SIRPA: variants seen among roughly 807,000 people sequenced by gnomAD.
SIRPA encodes the protein signal regulatory protein alpha.
Under a neutral mutation model 50.3 loss-of-function variants are expected in SIRPA, and 9 were observed. The ratio of observed to expected loss-of-function variants is 0.18; its 90% CI spans 0.11 to 0.31. SIRPA has a LOEUF of 0.31. Ranked by LOEUF, SIRPA falls within the 10% of genes least tolerant of loss-of-function variation. The pLI is 1.00. For synonymous variants in SIRPA, 265 were observed against 284.1 expected (o/e 0.93, Z 0.68); for missense variants, 474 against 661.6 (o/e 0.72, Z 3.11).
chr20:1,905,887 C>G (rs1984516389), intron 1 of SIRPA, among the ~76,000 whole-genome samples: 1 of 152,244 alleles, frequency 6.6e-6, no homozygotes, highest in South Asian at 2.1e-4. Context: ...CCTGTCCCCG[C>G]TGCCTCCTTG....
chr20:1,937,304 G>A lies in SIRPA; in HGVS notation c.1267-16G>A, dbSNP rs1274288835. On this transcript the variant is annotated splice_polypyrimidine_tract_variant and intron_variant, in intron 7 of 7. Transcript: ENST00000358771. This position sits in a 1 kb window ranked among gnomAD's most constrained non-coding sequence, Gnocchi z 8.3. ...TGACCTTCTCATGACTTTCTCTTTGGGTATCTTAAATCCAGGACACAAATG... is the reference window on the plus strand; with the variant it reads ...TGACCTTCTCATGACTTTCTCTTTGAGTATCTTAAATCCAGGACACAAATG... 2 of 1,605,674 alleles carry A rather than the reference G, an allele frequency of 1.2e-6. No homozygotes were observed.
At chr20:1,894,258 G>GC (rs1332642621), upstream of SIRPA, 3 of 132,612 alleles carry the variant, frequency 2.3e-5, no homozygotes, top group East Asian at 4.8e-4. The surrounding 1 kb of genome is among the most constrained non-coding windows in gnomAD (Gnocchi z 4.0). Flanking sequence ...ACGCCCCCCC[G>GC]CCCCCCGCGC....
At chr20:1,918,042 A>G (rs1199874819) in intron 2 of SIRPA, among the ~76,000 whole-genome samples, 1 of 152,134 alleles carries the variant, frequency 6.6e-6, no homozygotes, top group African/African-American at 2.4e-5. Context: ...GGATGAGGAG[A>G]CAGTGCCTTC....
In SIRPA at chr20:1,922,139, T is replaced by C. The variant is rs977936598; in HGVS notation, c.755-174T>C. ...TGAGCACCTACTGTGTGCTGGGCGTTGTGCTTAGTAATTTCATTCATATGC... is the reference window on the plus strand; with the variant it reads ...TGAGCACCTACTGTGTGCTGGGCGTCGTGCTTAGTAATTTCATTCATATGC... On this transcript the variant is annotated intron_variant, in intron 3 of 7. Transcript: ENST00000358771. Among the ~76,000 whole-genome samples the C allele has an allele frequency of 2.0e-5, 3 of 152,234 alleles. No homozygotes were observed. In the East Asian group the frequency reaches 5.8e-4, roughly 29 times the overall value.
At chr20:1,920,085 C>T (rs912670989) in intron 2 of SIRPA, among the ~76,000 whole-genome samples, 3 of 152,128 alleles carry the variant, frequency 2.0e-5, no homozygotes, top group Non-Finnish European at 2.9e-5. Context: ...CACTTTTGGC[C>T]CTGGGCCTCT....
At chr20:1,909,747 A>T (rs1984775516) in intron 1 of SIRPA, among the ~76,000 whole-genome samples, 1 of 152,052 alleles carries the variant, frequency 6.6e-6, no homozygotes, top group Non-Finnish European at 1.5e-5. Flanking sequence ...GTGCCATTGC[A>T]CTCCAGCCTG....
rs565480521 is a variant in SIRPA at position 1,932,993 on chromosome 20, A to T, written c.1227-1722A>T. On this transcript the variant is annotated intron_variant, in intron 6 of 7. Transcript: ENST00000358771. This position sits in a 1 kb window ranked among gnomAD's most constrained non-coding sequence, Gnocchi z 6.0. The stretch of plus-strand genomic sequence containing the variant: ...GAAGAACCCAATGTTTTGAGAATGG[A>T]GTTTGGGGGTTCAGTGAATATTTCC... 1.8e-4 allele frequency among the ~76,000 whole-genome samples: 28 copies of T among 152,204 alleles called. No individual in the cohort carries two copies. The highest frequency in any genetic ancestry group is 3.8e-4 in the Non-Finnish European group (26 of 68,036).
At position 1,939,146 on chromosome 20, in the gene SIRPA, G is replaced by A. The variant is rs1026656742; in HGVS notation, c.*1578G>A. The A allele has an allele frequency of 6.6e-6, 1 of 152,344 alleles. No individual in the cohort carries two copies. The highest frequency in any genetic ancestry group is 2.4e-5 in the African/African-American group (1 of 41,414). The allele number at this position is 152,344 out of a possible 1,614,324, so 9.4% of individuals were successfully genotyped here. A position where few individuals can be genotyped will look rare whatever the true frequency, so the allele number is the denominator to read the frequency against. On this transcript the variant is annotated 3_prime_UTR_variant, in exon 8 of 8. Transcript: ENST00000358771. This position sits in a 1 kb window ranked among gnomAD's most constrained non-coding sequence, Gnocchi z 4.7. ...GGTGTGAGGGCCTGACCGGGCCCAGGGCAAGCAGATGTCGCAAGCCCTATT... is the reference window on the plus strand; with the variant it reads ...GGTGTGAGGGCCTGACCGGGCCCAGAGCAAGCAGATGTCGCAAGCCCTATT...
Position 1,933,814 on chromosome 20 carries a change from G to A in SIRPA, c.1227-901G>A, listed in dbSNP as rs534856398. 6.6e-6 allele frequency among the ~76,000 whole-genome samples: 1 copy of A among 152,264 alleles called. No individual in the cohort carries two copies. The highest frequency in any genetic ancestry group is 1.5e-5 in the Non-Finnish European group (1 of 68,026). ...TCTGCCAAGCCAGTGGCTCTGGTTT[G>A]CTCATCACCTTGACCGTGACCCTCC... On this transcript the variant is annotated intron_variant, in intron 6 of 7. Transcript: ENST00000358771. The surrounding 1 kb of genome is among the most constrained non-coding windows in gnomAD (Gnocchi z 4.4).
rs1413335401 is a variant in SIRPA, at chr20:1,898,742, G to A, written c.79+3216G>A. Among the ~76,000 whole-genome samples the A allele has an allele frequency of 6.6e-6, 1 of 152,022 alleles. No homozygotes were observed. The highest frequency in any genetic ancestry group is 1.5e-5 in the Non-Finnish European group (1 of 68,020). On this transcript the variant is annotated intron_variant, in intron 1 of 7. Transcript: ENST00000358771. This position sits in a 1 kb window ranked among gnomAD's most constrained non-coding sequence, Gnocchi z 4.3. Reference sequence around the variant, plus strand: ...TTCTGGCCTTGGGTGGAGGACTGTAGAAGAGTTCTTTCTCTGGGCAGAAGG... The same window carrying A: ...TTCTGGCCTTGGGTGGAGGACTGTAAAAGAGTTCTTTCTCTGGGCAGAAGG...
At chr20:1,895,099 C>T (rs914000073), upstream of SIRPA, among the ~76,000 whole-genome samples, 15 of 151,444 alleles carry the variant, frequency 9.9e-5, no homozygotes, top group African/African-American at 3.4e-4. Flanking sequence ...TCGCTCTCCC[C>T]CTCTTTCTCC....
chr20:1,912,232 G>T (rs1984932579), intron 1 of SIRPA, among the ~76,000 whole-genome samples: 1 of 152,188 alleles, frequency 6.6e-6, no homozygotes, highest in South Asian at 2.1e-4. Context: ...GCTCCAACAT[G>T]CTGCACGCCT....
intron 1 of SIRPA, among the ~76,000 whole-genome samples, chr20:1,896,259 G>A (rs937857303): frequency 2.0e-5 from 3 of 152,202 alleles, no homozygotes; most frequent in Non-Finnish European, 2.9e-5. Flanking sequence ...TGCAGTTCAG[G>A]TGCTCCGCGG....
intron 3 of SIRPA, 129 bp from the exon 4 acceptor site, chr20:1,922,184 T>C (rs909570508): frequency 6.4e-6 from 7 of 1,099,142 alleles, no homozygotes; most frequent in Non-Finnish European, 9.3e-6. Context: ...CCTCAATGTC[T>C]GAGCACCTGA....
chr20:1,909,516 T>C (rs1035704101), intron 1 of SIRPA, among the ~76,000 whole-genome samples: 1 of 152,242 alleles, frequency 6.6e-6, no homozygotes, highest in African/African-American at 2.4e-5. Context: ...GCGCAGTGGC[T>C]CATGCCTGTA....
intron 6 of SIRPA, among the ~76,000 whole-genome samples, chr20:1,931,609 G>C (rs145505898): frequency 6.6e-6 from 1 of 152,300 alleles, no homozygotes; most frequent in Non-Finnish European, 1.5e-5. Context: ...GCCAGCTTCG[G>C]CTTTGGCTTG....
At position 1,939,453 on chromosome 20, in the gene SIRPA, G is replaced by A. The variant is rs1409354024; in HGVS notation, c.*1885G>A. 6.6e-6 allele frequency: 1 copy of A among 152,214 alleles called. No individual in the cohort carries two copies. The highest frequency in any genetic ancestry group is 2.4e-5 in the African/African-American group (1 of 41,442). 9.4% of individuals were successfully genotyped at this position (152,214 alleles called of 1,614,324 possible). A position where few individuals can be genotyped will look rare whatever the true frequency, so the allele number is the denominator to read the frequency against. ...TCCCGTGTGGCATCTGGGAGCCACA[G>A]TGACCCAGCCACCTGGCTCAGGCTA... On this transcript the variant is annotated 3_prime_UTR_variant, in exon 8 of 8. Coordinates refer to ENST00000358771, the MANE Select transcript of SIRPA (RefSeq NM_001040023.2). The surrounding 1 kb of genome is among the most constrained non-coding windows in gnomAD (Gnocchi z 4.7).
intron 1 of SIRPA, among the ~76,000 whole-genome samples, chr20:1,897,493 G>T (rs1983901519): frequency 6.6e-6 from 1 of 152,236 alleles, no homozygotes; most frequent in African/African-American, 2.4e-5. Context: ...GGGGCCTCAG[G>T]CCCCTCCCCC....
At chr20:1,926,787 AG>A (rs1986004605) in intron 5 of SIRPA, among the ~76,000 whole-genome samples, 1 of 152,212 alleles carries the variant, frequency 6.6e-6, no homozygotes. Context: ...GACCATGTCT[AG>A]GACCACCTTG....
Sources: gnomAD v4.1 joint callset for allele counts (sites outside exome capture counted in the v4.1 genomes callset) on GRCh38, gnomAD v4.1.1 for gene constraint, Gnocchi (gnomAD v3.1) non-coding constraint, MANE v1.5 for transcripts, NCBI Gene and HGNC (gene_info 2026-07-23, HGNC 2026-07-21) for gene names.